The following SPAG16 variants were observed in gnomAD, a reference collection of about 807,000 sequenced individuals.
SPAG16 encodes sperm associated antigen 16.
SPAG16 carries 86 observed loss-of-function variants against 80.4 expected under a neutral mutation model. That is an observed-to-expected ratio of 1.07 (90% CI 0.90 to 1.28). The LOEUF (loss-of-function observed/expected upper bound fraction) is 1.28. Among genes scored for constraint, SPAG16 ranks in the 50% most tolerant of loss-of-function variants. SPAG16 has a pLI of 0.00. For synonymous variants in SPAG16, 294 were observed against 265.9 expected, an observed-to-expected ratio of 1.11 and a Z score of -1.03; for missense variants, 870 against 765.3, an observed-to-expected ratio of 1.14 and a Z score of -1.61.
intron 10 of SPAG16, among the ~76,000 whole-genome samples, chr2:213,856,215 A>T (rs2075161022): frequency 1.3e-5 from 2 of 152,214 alleles, no homozygotes; most frequent in Admixed American, 6.5e-5. Flanking sequence ...TTAAAATTCC[A>T]AAATGTTCTC....
chr2:213,955,506 T>C (rs1306825949), intron 12 of SPAG16, among the ~76,000 whole-genome samples: 2 of 152,192 alleles, frequency 1.3e-5, no homozygotes, highest in Non-Finnish European at 1.5e-5. Flanking sequence ...ATATAGTAGT[T>C]TATTATTAGA....
At chr2:213,466,298 C>T (rs2072692767) in intron 9 of SPAG16, among the ~76,000 whole-genome samples, 2 of 152,134 alleles carry the variant, frequency 1.3e-5, no homozygotes, top group African/African-American at 4.8e-5. Flanking sequence ...ACTAATACAC[C>T]TTCCTCACTG....
At chr2:213,308,419 A>AT (rs2063041146) in intron 3 of SPAG16, among the ~76,000 whole-genome samples, 2 of 151,998 alleles carry the variant, frequency 1.3e-5, no homozygotes, top group Non-Finnish European at 2.9e-5. Flanking sequence ...AGTATTTCAG[A>AT]TTTTGGATTT....
intron 11 of SPAG16, among the ~76,000 whole-genome samples, chr2:213,906,891 T>C (rs1428314175): frequency 2.0e-5 from 3 of 152,214 alleles, no homozygotes; most frequent in African/African-American, 7.2e-5. Context: ...AATATAAGAC[T>C]TAAATCTATA....
At chr2:213,368,833 A>T (rs573734890) in intron 8 of SPAG16, among the ~76,000 whole-genome samples, 2 of 152,216 alleles carry the variant, frequency 1.3e-5, no homozygotes, top group South Asian at 4.1e-4. Context: ...AGAGAATAAA[A>T]TACCTAAGAA....
chr2:214,390,346 A>C (rs1701004888), intron 15 of SPAG16, among the ~76,000 whole-genome samples: 1 of 141,984 alleles, frequency 7.0e-6, no homozygotes, highest in African/African-American at 2.5e-5. Flanking sequence ...TTTTTTAAAA[A>C]AAAAAAAAAA....
Position 213,892,012 on chromosome 2 carries a change from T to A in SPAG16, c.1214+29384T>A, listed in dbSNP as rs994306794. On this transcript the variant is annotated intron_variant, in intron 11 of 15. Transcript: ENST00000331683. ...ACTGAGAATAGCCAGTGACAAAGGA[T>A]GGAGGTAGAATTATCATCCCCAGAC... 2.0e-5 allele frequency among the ~76,000 whole-genome samples: 3 copies of A among 152,062 alleles called. No homozygotes were observed. In the East Asian group the frequency reaches 5.8e-4, roughly 29 times the overall value.
At chr2:213,677,037 G>A (rs2064119552) in intron 10 of SPAG16, among the ~76,000 whole-genome samples, 1 of 151,982 alleles carries the variant, frequency 6.6e-6, no homozygotes, top group Admixed American at 6.6e-5. Flanking sequence ...TTGGTAAGCT[G>A]TTGATTATTG....
At chr2:214,329,963 G>C (rs1179095633) in intron 15 of SPAG16, among the ~76,000 whole-genome samples, 1 of 151,952 alleles carries the variant, frequency 6.6e-6, no homozygotes, top group Non-Finnish European at 1.5e-5. Context: ...CAGAAAGTAG[G>C]CAATTTAAAA....
chr2:214,041,446 T>A (rs2049002613), intron 13 of SPAG16, among the ~76,000 whole-genome samples: 1 of 115,836 alleles, frequency 8.6e-6, no homozygotes, highest in Non-Finnish European at 1.8e-5. Flanking sequence ...TGATTTGTAG[T>A]AGTTTCTTTT....
At chr2:214,266,388 T>C (rs1691570463) in intron 15 of SPAG16, among the ~76,000 whole-genome samples, 1 of 152,036 alleles carries the variant, frequency 6.6e-6, no homozygotes, top group African/African-American at 2.4e-5. Flanking sequence ...TGCCAATAGA[T>C]AGACTTTATT....
At chr2:213,493,794 A>T (rs1239221646) in intron 10 of SPAG16, among the ~76,000 whole-genome samples, 2 of 152,010 alleles carry the variant, frequency 1.3e-5, no homozygotes, top group Non-Finnish European at 2.9e-5. Flanking sequence ...CAAGTTGTTT[A>T]AAAATTTTTT....
chr2:214,100,208 G>T (rs145467785), intron 13 of SPAG16, among the ~76,000 whole-genome samples: 1 of 151,898 alleles, frequency 6.6e-6, no homozygotes, highest in Non-Finnish European at 1.5e-5. Flanking sequence ...TGCCATGATT[G>T]TAAGTTTCCT....
In SPAG16 at chr2:213,795,275, T is replaced by C. The variant is rs147301645; in HGVS notation, c.1071-67210T>C. ...GAAAAGAAATTATTTTCATGATATG[T>C]TTGTATCTGTAGATTAATATATATA... On this transcript the variant is annotated intron_variant, in intron 10 of 15. Coordinates refer to ENST00000331683, the MANE Select transcript of SPAG16 (RefSeq NM_024532.5). Among the ~76,000 whole-genome samples the C allele has an allele frequency of 3.4e-3, 512 of 152,304 alleles. 3 individuals are homozygous for C. The highest frequency in any genetic ancestry group is 7.3e-3 in the Admixed American group (112 of 15,304).
At chr2:213,968,471 G>C (rs1455468835) in intron 12 of SPAG16, among the ~76,000 whole-genome samples, 1 of 152,176 alleles carries the variant, frequency 6.6e-6, no homozygotes, top group Non-Finnish European at 1.5e-5. Context: ...GGGATTATAG[G>C]TGTGAGCCAC....
chr2:213,980,568 T>C (rs188902791), intron 12 of SPAG16, among the ~76,000 whole-genome samples: 5 of 142,106 alleles, frequency 3.5e-5, no homozygotes, highest in Non-Finnish European at 7.6e-5. Context: ...TGTGTATATA[T>C]AGAGAGTATA....
At chr2:214,306,290 A>AT (rs1181867767) in intron 15 of SPAG16, among the ~76,000 whole-genome samples, 12 of 151,988 alleles carry the variant, frequency 7.9e-5, no homozygotes, top group Non-Finnish European at 2.9e-5. Context: ...AGACTCTGGG[A>AT]TTTTCTAGAT....
chr2:213,753,151 T>C (rs542871243), intron 10 of SPAG16, among the ~76,000 whole-genome samples: 104 of 152,314 alleles, frequency 6.8e-4, no homozygotes, highest in African/African-American at 2.2e-3. Context: ...TAGCTGGGAC[T>C]ACAGGTGCCC....
chr2:214,220,109 G>A (rs2058530037), intron 15 of SPAG16, among the ~76,000 whole-genome samples: 1 of 152,042 alleles, frequency 6.6e-6, no homozygotes, highest in African/African-American at 2.4e-5. Flanking sequence ...AGAATATGAT[G>A]TTTAAAAATA....
Sources: allele counts gnomAD v4.1 joint callset (sites outside exome capture counted in the v4.1 genomes callset), GRCh38; gene constraint gnomAD v4.1.1; transcripts MANE v1.5; gene names NCBI Gene and HGNC (gene_info 2026-07-23, HGNC 2026-07-21).